Variants in EPHB1 observed in about 807,000 individuals in gnomAD.
EPHB1 encodes EPH receptor B1, also known as ephrin type-B receptor 1.
EPHB1 carries 30 observed loss-of-function variants against 94.4 expected under a neutral mutation model. The observed-to-expected ratio is 0.32, with a 90% confidence interval of 0.24 to 0.43. The LOEUF (loss-of-function observed/expected upper bound fraction) is 0.43. EPHB1 is among the 20% of genes least tolerant of loss of function. The pLI is 1.00. For missense variants in EPHB1, 1,055 were observed against 1,308.3 expected (o/e 0.81, Z 2.99); for synonymous variants, 522 against 489.1 (o/e 1.07, Z -0.89).
At chr3:135,227,475 A>G (rs775141128) in intron 12 of EPHB1, among the ~76,000 whole-genome samples, 5 of 152,154 alleles carry the variant, frequency 3.3e-5, no homozygotes, top group African/African-American at 7.2e-5. Context: ...GTCTCATACC[A>G]TACATAATGA....
At chr3:135,058,375 C>T (rs529351866) in intron 3 of EPHB1, among the ~76,000 whole-genome samples, 3 of 152,332 alleles carry the variant, frequency 2.0e-5, no homozygotes, top group African/African-American at 7.2e-5. Context: ...TGTCCCTTCC[C>T]TGCTACGAAT....
chr3:134,908,496 A>G (rs2038383892), intron 1 of EPHB1, among the ~76,000 whole-genome samples: 1 of 152,230 alleles, frequency 6.6e-6, no homozygotes, highest in Non-Finnish European at 1.5e-5. Context: ...GTGGAGGGCA[A>G]TAGGGCTTTT....
intron 1 of EPHB1, among the ~76,000 whole-genome samples, chr3:134,854,527 G>T (rs967641668): frequency 2.6e-5 from 4 of 152,066 alleles, no homozygotes; most frequent in Admixed American, 1.3e-4. Context: ...TGTTTACTGT[G>T]AGGGTGTCAC....
At chr3:134,937,876 C>T (rs1028340141) in intron 2 of EPHB1, among the ~76,000 whole-genome samples, 4 of 150,930 alleles carry the variant, frequency 2.7e-5, no homozygotes, top group Middle Eastern at 3.6e-3. Flanking sequence ...ACCCTGCCGC[C>T]GTTGCCATAG....
intron 9 of EPHB1, among the ~76,000 whole-genome samples, chr3:135,168,045 AT>A (rs1346404054): frequency 2.0e-5 from 3 of 152,212 alleles, no homozygotes; most frequent in Non-Finnish European, 4.4e-5. Context: ...CGGGAAAGTG[AT>A]GACAGGATGT....
At chr3:134,975,453 G>A (rs562221405) in intron 3 of EPHB1, among the ~76,000 whole-genome samples, 2 of 152,212 alleles carry the variant, frequency 1.3e-5, no homozygotes, top group Non-Finnish European at 2.9e-5. Flanking sequence ...AAGAATAGTG[G>A]TGGGAATTTG....
Position 134,971,040 on chromosome 3 carries a change from G to C in EPHB1, c.805+18988G>C, listed in dbSNP as rs569466905. 3.9e-5 allele frequency among the ~76,000 whole-genome samples: 6 copies of C among 152,288 alleles called. No individual in the cohort carries two copies. In the South Asian group the frequency reaches 1.2e-3, roughly 32 times the overall value. ...AATCAGCCCTCAATCCTGGGTGTTA[G>C]AAGTGACTCATAGATGAGGTGGTGG... On this transcript the variant is annotated intron_variant, in intron 3 of 15. Transcript: ENST00000398015.
At chr3:134,976,233 A>G (rs36121) in intron 3 of EPHB1, among the ~76,000 whole-genome samples, 96,958 of 152,128 alleles carry the variant, frequency 0.64, 32,894 homozygotes, top group African/African-American at 0.85. Context: ...GAGCAGGCAC[A>G]GATGTCATCT....
At chr3:134,882,777 TC>T (rs368913955) in intron 1 of EPHB1, among the ~76,000 whole-genome samples, 511 of 15,236 alleles carry the variant, frequency 0.034, 2 homozygotes, top group Middle Eastern at 0.25. Flanking sequence ...TTTCTTTCTT[TC>T]TTTCTTTCTT....
intron 3 of EPHB1, among the ~76,000 whole-genome samples, chr3:135,018,726 A>G (rs1935888642): frequency 6.6e-6 from 1 of 152,156 alleles, no homozygotes; most frequent in Non-Finnish European, 1.5e-5. Context: ...CTCGCAGGAC[A>G]CAAACAGTGT....
chr3:135,052,943 G>GTA (rs796641061), intron 3 of EPHB1, among the ~76,000 whole-genome samples: 138 of 92,826 alleles, frequency 1.5e-3, no homozygotes, highest in African/African-American at 5.7e-3. Context: ...ATATATGTGT[G>GTA]TATATATATA....
chr3:134,931,943 A>G (rs2038912604), intron 2 of EPHB1, among the ~76,000 whole-genome samples: 1 of 152,008 alleles, frequency 6.6e-6, no homozygotes, highest in African/African-American at 2.4e-5. Flanking sequence ...GTATCTGTAT[A>G]TATGTGTATG....
chr3:135,080,926 T>A (rs533615898), intron 3 of EPHB1, among the ~76,000 whole-genome samples: 1 of 152,280 alleles, frequency 6.6e-6, no homozygotes, highest in South Asian at 2.1e-4. Context: ...GTTTTGAGAG[T>A]TGAGTGATAT....
At chr3:135,092,652 G>A (rs1006116123) in intron 3 of EPHB1, among the ~76,000 whole-genome samples, 52 of 135,120 alleles carry the variant, frequency 3.8e-4, no homozygotes, top group African/African-American at 1.4e-3. Flanking sequence ...CCTTCTGGCA[G>A]AGTCTCTCTG....
chr3:134,805,211 G>A (rs2036017385), intron 1 of EPHB1, among the ~76,000 whole-genome samples: 1 of 152,126 alleles, frequency 6.6e-6, no homozygotes, highest in African/African-American at 2.4e-5. Flanking sequence ...TCTGCTCCTG[G>A]GGGCCGTTGT....
intron 15 of EPHB1, among the ~76,000 whole-genome samples, chr3:135,251,613 A>AATAG (rs1169407240): frequency 1.3e-5 from 2 of 152,246 alleles, no homozygotes; most frequent in African/African-American, 4.8e-5. Flanking sequence ...AACTTAATAA[A>AATAG]ATAGATTGTG....
intron 4 of EPHB1, among the ~76,000 whole-genome samples, chr3:135,119,909 G>T (rs192226150): frequency 9.1e-4 from 139 of 152,286 alleles, no homozygotes; most frequent in African/African-American, 3.3e-3. Context: ...ATTTTGGTGA[G>T]ATGTTTCTTT....
At chr3:134,984,848 G>A (rs1934538266) in intron 3 of EPHB1, among the ~76,000 whole-genome samples, 1 of 152,192 alleles carries the variant, frequency 6.6e-6, no homozygotes, top group African/African-American at 2.4e-5. Flanking sequence ...GGGCGAGCCA[G>A]AGAGGAGGGT....
At chr3:135,112,786 T>C (rs1230656441) in intron 4 of EPHB1, among the ~76,000 whole-genome samples, 2 of 151,980 alleles carry the variant, frequency 1.3e-5, no homozygotes, top group Non-Finnish European at 2.9e-5. Flanking sequence ...ATCCAGTCTA[T>C]CATTGATGGA....
Sources: allele counts gnomAD v4.1 joint callset (sites outside exome capture counted in the v4.1 genomes callset), GRCh38; gene constraint gnomAD v4.1.1; transcripts MANE v1.5; gene names NCBI Gene and HGNC (gene_info 2026-07-23, HGNC 2026-07-21).